The following SRGAP1 variants were observed in gnomAD, a reference collection of about 807,000 sequenced individuals.
The protein encoded by SRGAP1 is SLIT-ROBO Rho GTPase-activating protein 1.
In SRGAP1, 43 loss-of-function variants were observed where a neutral mutation model predicts 121.9. The ratio of observed to expected loss-of-function variants is 0.35; its 90% confidence interval spans 0.28 to 0.46. The LOEUF is 0.46. SRGAP1 is among the 20% of genes least tolerant of loss of function. The pLI, the probability that SRGAP1 is intolerant of heterozygous loss-of-function variation, is 1.00. For missense variants in SRGAP1, 1,102 were observed against 1,350.9 expected, an observed-to-expected ratio of 0.82 and a Z score of 2.89; for synonymous variants, 447 against 485.4, an observed-to-expected ratio of 0.92 and a Z score of 1.04.
chr12:64,045,125 T>A (rs1042119860), intron 6 of SRGAP1, among the ~76,000 whole-genome samples: 3 of 152,208 alleles, frequency 2.0e-5, no homozygotes, highest in African/African-American at 7.2e-5. Flanking sequence ...TTACAAAATA[T>A]TTCATTCAAG....
intron 18 of SRGAP1, among the ~76,000 whole-genome samples, chr12:64,121,249 A>G (rs888257343): frequency 6.6e-6 from 1 of 151,824 alleles, no homozygotes; most frequent in Non-Finnish European, 1.5e-5. Flanking sequence ...CTGGGCTCAA[A>G]CGATCCTCCT....
chr12:64,118,539 G>T (rs909964642), intron 18 of SRGAP1, among the ~76,000 whole-genome samples: 1 of 152,112 alleles, frequency 6.6e-6, no homozygotes, highest in African/African-American at 2.4e-5. Flanking sequence ...TGAGATTATA[G>T]GCATGAGCCA....
intron 1 of SRGAP1, among the ~76,000 whole-genome samples, chr12:63,952,327 C>T (rs966509406): frequency 1.1e-4 from 16 of 152,036 alleles, no homozygotes; most frequent in African/African-American, 2.4e-4. Flanking sequence ...GGCTGGGCAA[C>T]GAAGTGAGAC....
intron 3 of SRGAP1, 82 bp downstream of exon 3, chr12:63,990,154 A>G: frequency 9.2e-7 from 1 of 1,085,056 alleles, no homozygotes; most frequent in Non-Finnish European, 1.3e-6. Flanking sequence ...TATCTGAAAA[A>G]TTAGGTGAAT....
Position 64,142,497 on chromosome 12 carries a change from C to G in SRGAP1, c.3083C>G (p.Thr1028Arg). 6.2e-7 allele frequency: 1 copy of G among 1,614,154 alleles called. No individual in the cohort carries two copies. Residue 1028 changes from threonine to arginine, a missense_variant, in exon 22 of 22, where the codon ACG becomes AGG. Coordinates refer to ENST00000355086, the MANE Select transcript of SRGAP1 (RefSeq NM_020762.4). Reference protein sequence around the residue: ...RSSEPQIRRSTSSSSDTMSTF... With the variant: ...RSSEPQIRRSRSSSSDTMSTF... ...TCCGAGCCTCAGATTCGACGTAGCACGAGCTCCTCCAGTGACACAATGAGT... is the reference window on the plus strand; with the variant it reads ...TCCGAGCCTCAGATTCGACGTAGCAGGAGCTCCTCCAGTGACACAATGAGT...
At chr12:64,131,365 C>A (rs1161142247) in intron 21 of SRGAP1, among the ~76,000 whole-genome samples, 2 of 152,240 alleles carry the variant, frequency 1.3e-5, no homozygotes, top group African/African-American at 2.4e-5. Flanking sequence ...CCATTGGCTA[C>A]AGTCCACGAA....
At chr12:63,993,406 A>C (rs2033609987) in intron 3 of SRGAP1, among the ~76,000 whole-genome samples, 2 of 152,218 alleles carry the variant, frequency 1.3e-5, no homozygotes, top group Non-Finnish European at 1.5e-5. Flanking sequence ...GTTCTAGGTC[A>C]GAAGCCTATT....
intron 6 of SRGAP1, among the ~76,000 whole-genome samples, chr12:64,052,635 C>T (rs1244991020): frequency 2.0e-5 from 3 of 151,836 alleles, no homozygotes; most frequent in Non-Finnish European, 4.4e-5. Context: ...AAAGAAAAAG[C>T]ATGGAATTAG....
chr12:63,997,200 A>G (rs1056915158), intron 3 of SRGAP1, among the ~76,000 whole-genome samples: 3 of 152,160 alleles, frequency 2.0e-5, no homozygotes, highest in African/African-American at 7.2e-5. Flanking sequence ...AAAAAATGAT[A>G]CACCTGCATA....
intron 1 of SRGAP1, among the ~76,000 whole-genome samples, chr12:63,920,012 A>ATTGC (rs2030977640): frequency 6.6e-6 from 1 of 152,102 alleles, no homozygotes; most frequent in Non-Finnish European, 1.5e-5. Flanking sequence ...TCCATGGCCT[A>ATTGC]TTGCTGGGAG....
intron 1 of SRGAP1, among the ~76,000 whole-genome samples, chr12:63,903,783 C>T (rs892266864): frequency 7.2e-5 from 11 of 151,956 alleles, no homozygotes; most frequent in African/African-American, 2.4e-4. Context: ...TACGGGCGCC[C>T]GCCTCCACAC....
chr12:63,858,708 T>C (rs1233907060), intron 1 of SRGAP1, among the ~76,000 whole-genome samples: 1 of 152,242 alleles, frequency 6.6e-6, no homozygotes, highest in Non-Finnish European at 1.5e-5. Flanking sequence ...TGATAAATTA[T>C]ACTTTTCTTT....
intron 1 of SRGAP1, among the ~76,000 whole-genome samples, chr12:63,945,530 C>G (rs1392849939): frequency 1.3e-5 from 2 of 152,152 alleles, no homozygotes; most frequent in Non-Finnish European, 2.9e-5. Context: ...ATCTTTTCCC[C>G]AGTACTCTTA....
intron 15 of SRGAP1, chr12:64,097,634 G>C (rs561699031): frequency 5.1e-5 from 17 of 330,562 alleles, no homozygotes; most frequent in Admixed American, 1.8e-4. Flanking sequence ...GGCTGGAATT[G>C]AGCAGAAAGC....
chr12:64,111,467 G>A (rs138302938), intron 16 of SRGAP1, among the ~76,000 whole-genome samples: 6 of 152,174 alleles, frequency 3.9e-5, no homozygotes, highest in South Asian at 2.1e-4. Flanking sequence ...GAGCTTGACC[G>A]TCACATTTGC....
rs932772041 is a variant in SRGAP1 at position 63,940,938 on chromosome 12, G to A, written c.68-43009G>A. On this transcript the variant is annotated intron_variant, in intron 1 of 21. Coordinates refer to ENST00000355086, the MANE Select transcript of SRGAP1 (RefSeq NM_020762.4). ...TGCCACAGTTGTACATTACCTTCCC[G>A]CGGCCTGATAAAGGCAGTTTTACTC... Among the ~76,000 whole-genome samples, 73 of 152,022 alleles carry A rather than the reference G, an allele frequency of 4.8e-4. 1 individual carries two copies. The highest frequency in any genetic ancestry group is 1.7e-3 in the African/African-American group (69 of 41,374).
At chr12:64,030,733 T>C (rs2034758930) in intron 4 of SRGAP1, among the ~76,000 whole-genome samples, 1 of 152,172 alleles carries the variant, frequency 6.6e-6, no homozygotes, top group Non-Finnish European at 1.5e-5. Flanking sequence ...TGCTGATTGA[T>C]CGATAATCAG....
In SRGAP1 at chr12:64,142,685, C is replaced by G; in HGVS notation, c.*13C>G. The G allele has an allele frequency of 2.5e-6, 4 of 1,597,386 alleles. No homozygotes were observed. The highest frequency in any genetic ancestry group is 2.6e-6 in the Non-Finnish European group (3 of 1,168,840). ...ATGCACAATGTAAAAACCAGCCAAG[C>G]AAGGCCATAAAGGGAGGTGACTTAA... On this transcript the variant is annotated 3_prime_UTR_variant, in exon 22 of 22. Coordinates refer to ENST00000355086, the MANE Select transcript of SRGAP1 (RefSeq NM_020762.4).
intron 3 of SRGAP1, among the ~76,000 whole-genome samples, chr12:64,006,264 A>C (rs1366180472): frequency 6.6e-6 from 1 of 152,202 alleles, no homozygotes; most frequent in East Asian, 1.9e-4. Context: ...GCACATATCT[A>C]GGAAATGAAG....
Sources: gnomAD v4.1 joint callset for allele counts (sites outside exome capture counted in the v4.1 genomes callset) on GRCh38, gnomAD v4.1.1 for gene constraint, MANE v1.5 for transcripts, NCBI Gene and HGNC (gene_info 2026-07-23, HGNC 2026-07-21) for gene names.